The following MPP3 variants were observed in gnomAD, a reference collection of about 807,000 sequenced individuals.
The protein encoded by MPP3 is MAGUK p55 scaffold protein 3.
Under a neutral mutation model 80.7 loss-of-function variants are expected in MPP3, and 48 were observed. That is an observed-to-expected ratio of 0.59 (90% CI 0.47 to 0.76). MPP3 has a LOEUF of 0.76. Ranked by LOEUF, MPP3 falls within the 30% of genes least tolerant of loss-of-function variation. The pLI is 0.00. For synonymous variants in MPP3, 311 were observed against 297.6 expected, an observed-to-expected ratio of 1.04 and a Z score of -0.46; for missense variants, 620 against 763.0, an observed-to-expected ratio of 0.81 and a Z score of 2.21.
intron 11 of MPP3, 96 bp downstream of exon 11, chr17:43,820,766 C>A (rs1396014322): frequency 2.6e-6 from 3 of 1,144,440 alleles, no homozygotes; most frequent in Non-Finnish European, 3.8e-6. Context: ...GCTCAGCAGG[C>A]CCCTCTGGCT....
intron 19 of MPP3, among the ~76,000 whole-genome samples, chr17:43,804,082 C>T (rs12945560): frequency 0.013 from 1,960 of 152,260 alleles, 18 homozygotes; most frequent in Non-Finnish European, 0.022. Context: ...GGCCTTGAGT[C>T]CTAGGAAGCT....
At chr17:43,811,043 C>G in intron 17 of MPP3, 69 bp downstream of exon 17, 1 of 1,491,456 alleles carries the variant, frequency 6.7e-7, no homozygotes, top group South Asian at 1.1e-5. Flanking sequence ...CTCCCAGGAG[C>G]TCTAGTGGAA....
intron 2 of MPP3, among the ~76,000 whole-genome samples, chr17:43,832,482 G>C (rs1039274878): frequency 1.3e-5 from 2 of 152,178 alleles, no homozygotes; most frequent in Admixed American, 1.3e-4. Context: ...GGAGCCTCCA[G>C]ACTGGAGTGC....
chr17:43,816,361 G>T (rs1290838574), intron 13 of MPP3, among the ~76,000 whole-genome samples: 1 of 152,216 alleles, frequency 6.6e-6, no homozygotes, highest in Non-Finnish European at 1.5e-5. Context: ...AATAGGGAGG[G>T]ATTCACTCCA....
In MPP3 at chr17:43,823,920, C is replaced by T. The variant is rs1470848580; in HGVS notation, c.684+11G>A. The T allele has an allele frequency of 6.2e-7, 1 of 1,605,454 alleles. No homozygotes were observed. Among genetic ancestry groups the T allele is most frequent in the Non-Finnish European group, 8.5e-7 (1 of 1,175,880 alleles). ...GCTGAGAGAGGGCACCGCGGACCCA[C>T]CTCCCCATACCTTGCTCTCCTTTAA... On this transcript the variant is annotated intron_variant, in intron 10 of 19. Coordinates refer to ENST00000398389, the MANE Select transcript of MPP3 (RefSeq NM_001932.6).
chr17:43,809,309 C>T (rs2044747159), intron 18 of MPP3, among the ~76,000 whole-genome samples: 1 of 152,178 alleles, frequency 6.6e-6, no homozygotes, highest in Non-Finnish European at 1.5e-5. Flanking sequence ...TCACTGCCAA[C>T]AGAAGGTTCC....
chr17:43,826,228 TTCTTAAG>T (rs2045689476), intron 8 of MPP3, among the ~76,000 whole-genome samples: 1 of 152,234 alleles, frequency 6.6e-6, no homozygotes, highest in Non-Finnish European at 1.5e-5. Context: ...TAGAATGGCA[TTCTTAAG>T]TCTTAACAAG....
chr17:43,802,855 C>G (rs1290804827), intron 19 of MPP3, among the ~76,000 whole-genome samples: 2 of 152,128 alleles, frequency 1.3e-5, no homozygotes, highest in East Asian at 3.9e-4. Context: ...ACCTACATTC[C>G]AAATATTCCC....
rs1467307539 is a variant in MPP3 at position 43,820,858 on chromosome 17, C to T, written c.881+4G>A. The T allele has an allele frequency of 3.7e-6, 6 of 1,613,934 alleles. No individual in the cohort carries two copies. The highest frequency in any genetic ancestry group is 5.1e-6 in the Non-Finnish European group (6 of 1,179,982). ...CAGCCCTTCACAACATACCCCAGAC[C>T]CACCTCTCCTGGAACCCCTTGGAGG... On this transcript the variant is annotated splice_donor_region_variant and intron_variant, in intron 11 of 19. Coordinates refer to ENST00000398389, the MANE Select transcript of MPP3 (RefSeq NM_001932.6).
At position 43,801,572 on chromosome 17, in the gene MPP3, C is replaced by T; in HGVS notation, c.*129G>A. On this transcript the variant is annotated 3_prime_UTR_variant, in exon 20 of 20. Transcript: ENST00000398389. Reference sequence around the variant, plus strand: ...ACAAACAAGACTTCCCACTTATACTCTTCTCGATGATGGAATTTGTGGAGA... The same window carrying T: ...ACAAACAAGACTTCCCACTTATACTTTTCTCGATGATGGAATTTGTGGAGA... 1.1e-6 allele frequency: 1 copy of T among 904,834 alleles called. No homozygotes were observed. Among genetic ancestry groups the T allele is most frequent in the Non-Finnish European group, 1.7e-6 (1 of 586,388 alleles). The allele number at this position is 904,834 out of a possible 1,614,324, so 56.1% of individuals were successfully genotyped here.
intron 10 of MPP3, 48 bp from the exon 11 acceptor site, chr17:43,821,106 A>G: frequency 6.3e-7 from 1 of 1,580,230 alleles, no homozygotes; most frequent in Non-Finnish European, 8.6e-7. Flanking sequence ...AAGTGAGCAC[A>G]GACAGGTCAT....
chr17:43,831,513 A>G (rs1342070278), intron 4 of MPP3, 46 bp downstream of exon 4: 1 of 1,478,458 alleles, frequency 6.8e-7, no homozygotes, highest in Admixed American at 1.7e-5. Flanking sequence ...AGACAGCTAG[A>G]AAGACCTCTA....
intron 19 of MPP3, among the ~76,000 whole-genome samples, chr17:43,808,485 G>A (rs2044713478): frequency 6.6e-6 from 1 of 152,228 alleles, no homozygotes; most frequent in Non-Finnish European, 1.5e-5. Context: ...AGTTCATTTA[G>A]GACACATCAG....
intron 19 of MPP3, among the ~76,000 whole-genome samples, chr17:43,803,124 C>T (rs1178210098): frequency 6.6e-6 from 1 of 152,062 alleles, no homozygotes; most frequent in Non-Finnish European, 1.5e-5. Context: ...ACTCAGAAGC[C>T]CTATCCCGTA....
chr17:43,825,713 G>A (rs752425406), intron 9 of MPP3, 43 bp downstream of exon 9: 3 of 1,315,604 alleles, frequency 2.3e-6, no homozygotes, highest in Non-Finnish European at 2.2e-6. Context: ...TGCTCTGGGT[G>A]TCTGAAGACC....
At chr17:43,820,799 C>G in intron 11 of MPP3, 63 bp downstream of exon 11, 1 of 1,502,660 alleles carries the variant, frequency 6.7e-7, no homozygotes, top group Non-Finnish European at 9.2e-7. Context: ...ACTTGGGGGT[C>G]TGCCATGTAC....
intron 8 of MPP3, among the ~76,000 whole-genome samples, chr17:43,826,453 C>G (rs2143084289): frequency 6.6e-6 from 1 of 152,338 alleles, no homozygotes; most frequent in Non-Finnish European, 1.5e-5. Flanking sequence ...TGCATTTTAA[C>G]AAGATGCTCA....
At position 43,817,916 on chromosome 17, in the gene MPP3, T is replaced by G. The variant is rs530067109; in HGVS notation, c.946+130A>C. On this transcript the variant is annotated intron_variant, in intron 12 of 19. Transcript: ENST00000398389. ...CCTACTTCCCACCCCCTCCTTCCTC[T>G]GGAGTCCATGAGCTCAGACAAGACC... 8.4e-4 allele frequency: 282 copies of G among 335,920 alleles called. 2 individuals are homozygous for G. Among genetic ancestry groups the G allele is most frequent in the African/African-American group, 6.1e-3 (261 of 42,754 alleles). 20.8% of individuals were successfully genotyped at this position (335,920 alleles called of 1,614,324 possible).
chr17:43,829,902 G>C, intron 6 of MPP3, 111 bp from the exon 7 acceptor site: 1 of 1,558,698 alleles, frequency 6.4e-7, no homozygotes, highest in South Asian at 1.1e-5. Flanking sequence ...AGAGACAACT[G>C]CCCAGACACT....
Sources: allele counts gnomAD v4.1 joint callset (sites outside exome capture counted in the v4.1 genomes callset), GRCh38; gene constraint gnomAD v4.1.1; transcripts MANE v1.5; gene names NCBI Gene and HGNC (gene_info 2026-07-23, HGNC 2026-07-21).